The following CATSPERB variants were observed in gnomAD, a reference collection of about 807,000 sequenced individuals.
The protein encoded by CATSPERB is catsper channel auxiliary subunit beta.
Under a neutral mutation model 128.3 loss-of-function variants are expected in CATSPERB, and 93 were observed. The ratio of observed to expected loss-of-function variants is 0.72; its 90% CI spans 0.61 to 0.86. The LOEUF (loss-of-function observed/expected upper bound fraction) is 0.86. CATSPERB is among the 40% of genes least tolerant of loss of function. The pLI is 0.00. For synonymous variants in CATSPERB, 381 were observed against 448.8 expected, an observed-to-expected ratio of 0.85 and a Z score of 1.91; for missense variants, 1,153 against 1,329.5, an observed-to-expected ratio of 0.87 and a Z score of 2.06.
intron 5 of CATSPERB, among the ~76,000 whole-genome samples, chr14:91,716,712 T>TACACGCAC (rs1555365153): frequency 3.9e-4 from 54 of 137,628 alleles, no homozygotes; most frequent in African/African-American, 1.3e-3. Flanking sequence ...TTTACAAGCA[T>TACACGCAC]ACACACACAC....
chr14:91,647,240 T>C (rs1704627), intron 15 of CATSPERB, among the ~76,000 whole-genome samples: 6 of 152,042 alleles, frequency 3.9e-5, no homozygotes, highest in Admixed American at 3.9e-4. Context: ...GGGATATGTG[T>C]GAGTGTGTAT....
intron 12 of CATSPERB, among the ~76,000 whole-genome samples, chr14:91,673,881 CAA>C (rs139506642): frequency 3.8e-4 from 52 of 136,464 alleles, no homozygotes; most frequent in African/African-American, 3.6e-4. Flanking sequence ...GACTCTGTCT[CAA>C]AAAAAAAAAA....
At chr14:91,598,883 A>T in intron 22 of CATSPERB, among the ~76,000 whole-genome samples, 1 of 151,860 alleles carries the variant, frequency 6.6e-6, no homozygotes, top group East Asian at 1.9e-4. Flanking sequence ...AAAAGGAAAA[A>T]GATTTGACCT....
In CATSPERB at chr14:91,624,801, A is replaced by G. The variant is rs761146781; in HGVS notation, c.1930+19T>C. 5.2e-6 allele frequency: 8 copies of G among 1,536,342 alleles called. No homozygotes were observed. The East Asian group carries it at 6.9e-5, about 13-fold the overall frequency. On this transcript the variant is annotated intron_variant, in intron 18 of 26. Transcript: ENST00000256343. ...ATTTTTTTCTAGCCATCAGAGATGT[A>G]TGATATTATTATACCTACCTTGTGA... is the stretch of plus-strand genomic sequence containing the variant.
At chr14:91,718,782 G>T (rs762432141) in intron 5 of CATSPERB, among the ~76,000 whole-genome samples, 1 of 151,902 alleles carries the variant, frequency 6.6e-6, no homozygotes, top group Non-Finnish European at 1.5e-5. Context: ...TTGTCTTTGG[G>T]TTCCATGACT....
At chr14:91,625,944 G>C (rs555731693) in intron 17 of CATSPERB, among the ~76,000 whole-genome samples, 1 of 152,210 alleles carries the variant, frequency 6.6e-6, no homozygotes, top group African/African-American at 2.4e-5. Context: ...AGGCAACATG[G>C]TGAAACCCTA....
chr14:91,588,110 C>T (rs1893336031), intron 24 of CATSPERB, 32 bp from the exon 25 acceptor site: 4 of 1,381,310 alleles, frequency 2.9e-6, no homozygotes, highest in African/African-American at 1.4e-5. Flanking sequence ...TTTAAGCACA[C>T]TTATTTTTCT....
chr14:91,624,805 T>C lies in CATSPERB; in HGVS notation c.1930+15A>G, dbSNP rs1950653446. The C allele has an allele frequency of 2.6e-6, 4 of 1,548,330 alleles. No homozygotes were observed. Among genetic ancestry groups the C allele is most frequent in the African/African-American group, 2.8e-5 (2 of 71,682 alleles). ...TTTTCTAGCCATCAGAGATGTATGA[T>C]ATTATTATACCTACCTTGTGAATCA... On this transcript the variant is annotated intron_variant, in intron 18 of 26. Transcript: ENST00000256343.
rs765427457 is a variant in CATSPERB, at chr14:91,704,567, C to T, written c.601G>A (p.Asp201Asn). 2 of 1,613,150 alleles carry T rather than the reference C, an allele frequency of 1.2e-6. No individual in the cohort carries two copies. The highest frequency in any genetic ancestry group is 1.7e-6 in the Non-Finnish European group (2 of 1,179,570). The change falls in exon 7 of 27, where the codon GAT becomes AAT. Residue 201 changes from aspartate to asparagine, a missense_variant. Coordinates refer to ENST00000256343, the MANE Select transcript of CATSPERB (RefSeq NM_024764.4). The stretch of plus-strand genomic sequence containing the variant: ...GTAGACCTACCATCAACTATTGTAT[C>T]CACAATGAAGCCTAGTAATGCCACA... ...NDVALLGFIV[D>N]TIVDGVYIGI...
chr14:91,713,048 G>A (rs1441703598), intron 5 of CATSPERB, among the ~76,000 whole-genome samples: 1 of 152,194 alleles, frequency 6.6e-6, no homozygotes, highest in Non-Finnish European at 1.5e-5. Context: ...TTGGAAGATA[G>A]TAAAGAGTTT....
At chr14:91,655,977 C>A (rs1894780610) in intron 15 of CATSPERB, among the ~76,000 whole-genome samples, 1 of 152,092 alleles carries the variant, frequency 6.6e-6, no homozygotes, top group Non-Finnish European at 1.5e-5. Flanking sequence ...TACAAAGGAG[C>A]CCCAATATAT....
At chr14:91,710,683 A>G (rs528030322) in intron 5 of CATSPERB, 15 of 152,376 alleles carry the variant, frequency 9.8e-5, no homozygotes, top group Admixed American at 3.9e-4. Context: ...TTTGTAAGTC[A>G]ATCAGAGAGA....
At chr14:91,696,512 G>C (rs1895565218) in intron 7 of CATSPERB, among the ~76,000 whole-genome samples, 1 of 152,164 alleles carries the variant, frequency 6.6e-6, no homozygotes, top group African/African-American at 2.4e-5. Context: ...ACCAGAGTCT[G>C]ATTTGTAGTG....
intron 7 of CATSPERB, among the ~76,000 whole-genome samples, chr14:91,693,971 T>TATCTG (rs1895515250): frequency 6.6e-6 from 1 of 152,156 alleles, no homozygotes; most frequent in Non-Finnish European, 1.5e-5. Context: ...TGCCATTAGT[T>TATCTG]CCCCTATATA....
intron 18 of CATSPERB, among the ~76,000 whole-genome samples, chr14:91,623,992 T>C (rs1156345786): frequency 2.0e-5 from 3 of 152,170 alleles, no homozygotes; most frequent in Non-Finnish European, 4.4e-5. Context: ...TAGGAATAAA[T>C]AATAGGCACT....
At chr14:91,680,045 C>T (rs1242185995) in intron 11 of CATSPERB, among the ~76,000 whole-genome samples, 1 of 152,164 alleles carries the variant, frequency 6.6e-6, no homozygotes, top group East Asian at 1.9e-4. Context: ...AAGTATACTG[C>T]CTTAATAGGA....
Position 91,723,259 on chromosome 14 carries a change from A to C in CATSPERB, c.169-70T>G, listed in dbSNP as rs1896064802. 3 of 1,186,672 alleles carry C rather than the reference A, an allele frequency of 2.5e-6. No homozygotes were observed. In the African/African-American group the frequency reaches 4.7e-5, roughly 19 times the overall value. 73.5% of individuals were successfully genotyped at this position (1,186,672 alleles called of 1,614,324 possible). On this transcript the variant is annotated intron_variant, in intron 3 of 26. Transcript: ENST00000256343. ...TGCAGACACACAAGTTAGTTAATCT[A>C]AAAGTGATTAGTAATTCCAGTCTCT...
At chr14:91,716,180 C>T (rs1379482949) in intron 5 of CATSPERB, among the ~76,000 whole-genome samples, 1 of 152,194 alleles carries the variant, frequency 6.6e-6, no homozygotes, top group Non-Finnish European at 1.5e-5. Flanking sequence ...TGTGGTAACA[C>T]CCATATCCAG....
At chr14:91,622,683 T>C (rs1370270662) in intron 18 of CATSPERB, among the ~76,000 whole-genome samples, 1 of 152,120 alleles carries the variant, frequency 6.6e-6, no homozygotes, top group East Asian at 1.9e-4. Context: ...ATGCTCCAAT[T>C]TCTCCCAGTT....
Sources: gnomAD v4.1 joint callset for allele counts (sites outside exome capture counted in the v4.1 genomes callset) on GRCh38, gnomAD v4.1.1 for gene constraint, MANE v1.5 for transcripts, NCBI Gene and HGNC (gene_info 2026-07-23, HGNC 2026-07-21) for gene names.